Variants in CCDC3 observed in about 807,000 individuals in gnomAD.
CCDC3 encodes the protein coiled-coil domain-containing protein 3.
Under a neutral mutation model 21.4 loss-of-function variants are expected in CCDC3, and 24 were observed. The observed-to-expected ratio is 1.12, with a 90% CI of 0.81 to 1.58. The LOEUF (loss-of-function observed/expected upper bound fraction) is 1.58, where lower values mean the gene tolerates loss of function less well. Ranked by LOEUF, CCDC3 falls within the 40% of genes most tolerant of loss-of-function variation. The pLI, the probability that CCDC3 is intolerant of heterozygous loss-of-function variation, is 0.00. For missense variants in CCDC3, 425 were observed against 360.9 expected, an observed-to-expected ratio of 1.18 and a Z score of -1.44; for synonymous variants, 186 against 166.0, an observed-to-expected ratio of 1.12 and a Z score of -0.93.
intron 2 of CCDC3, among the ~76,000 whole-genome samples, chr10:12,921,755 G>GT (rs921288996): frequency 6.7e-6 from 1 of 150,272 alleles, no homozygotes; most frequent in Non-Finnish European, 1.5e-5. Context: ...TTTGTTTTTT[G>GT]TTTTTAAGAC....
At chr10:12,973,322 G>A (rs1215024137) in intron 2 of CCDC3, among the ~76,000 whole-genome samples, 1 of 152,196 alleles carries the variant, frequency 6.6e-6, no homozygotes, top group Non-Finnish European at 1.5e-5. Context: ...CGAGGACAGC[G>A]GCCCAGCCCA....
intron 5 of CCDC3, among the ~76,000 whole-genome samples, chr10:13,048,035 T>C (rs1186053841): frequency 2.6e-5 from 4 of 152,190 alleles, no homozygotes; most frequent in African/African-American, 2.4e-5. Flanking sequence ...TAGTCAATTA[T>C]GTATGCACCT....
intron 2 of CCDC3, among the ~76,000 whole-genome samples, chr10:12,898,937 A>G (rs896842997): frequency 2.0e-5 from 3 of 152,208 alleles, no homozygotes; most frequent in Admixed American, 6.5e-5. Flanking sequence ...TCGTTTTCAA[A>G]TGATATTCTG....
chr10:13,027,720 T>TAA (rs5783300), intron 5 of CCDC3, among the ~76,000 whole-genome samples: 308 of 144,010 alleles, frequency 2.1e-3, no homozygotes, highest in South Asian at 2.9e-3. Flanking sequence ...CAAAAAAAAT[T>TAA]AAAAAAAAAA....
intron 4 of CCDC3, among the ~76,000 whole-genome samples, chr10:13,050,398 C>T (rs922744771): frequency 2.5e-4 from 38 of 151,868 alleles, no homozygotes; most frequent in South Asian, 2.5e-3. Context: ...AGGCCATGGG[C>T]CAGGGCTGGG....
intron 2 of CCDC3, among the ~76,000 whole-genome samples, chr10:12,986,773 A>C (rs551421825): frequency 2.7e-4 from 15 of 55,620 alleles, no homozygotes; most frequent in African/African-American, 5.9e-4. Flanking sequence ...ACTCCGTCTC[A>C]AAAAAAAAAA....
At chr10:13,042,867 C>T (rs1836478231) in intron 5 of CCDC3, among the ~76,000 whole-genome samples, 1 of 143,072 alleles carries the variant, frequency 7.0e-6, no homozygotes, top group African/African-American at 2.6e-5. Context: ...CGAGATGGCG[C>T]CACTGCACTC....
At chr10:12,987,755 A>T (rs1166255490) in intron 2 of CCDC3, among the ~76,000 whole-genome samples, 1 of 152,226 alleles carries the variant, frequency 6.6e-6, no homozygotes, top group Non-Finnish European at 1.5e-5. Flanking sequence ...GAGGTGCTGG[A>T]GGAAGATGAC....
intron 2 of CCDC3, among the ~76,000 whole-genome samples, chr10:12,906,972 T>A (rs186322204): frequency 3.9e-5 from 6 of 152,296 alleles, no homozygotes; most frequent in African/African-American, 9.6e-5. Context: ...ACATTCTACT[T>A]CTTCTCCAAG....
At chr10:13,066,613 T>G (rs1178150985) in intron 4 of CCDC3, among the ~76,000 whole-genome samples, 1 of 152,196 alleles carries the variant, frequency 6.6e-6, no homozygotes, top group Non-Finnish European at 1.5e-5. Context: ...GACAGCCAAA[T>G]GCCTAGGCAG....
intron 2 of CCDC3, among the ~76,000 whole-genome samples, chr10:12,973,514 TAGG>T (rs1456519442): frequency 6.6e-6 from 1 of 152,212 alleles, no homozygotes; most frequent in Non-Finnish European, 1.5e-5. Flanking sequence ...CAGGAAAATG[TAGG>T]AGGAGCCAAC....
chr10:13,031,143 G>C (rs1305722949), intron 5 of CCDC3, among the ~76,000 whole-genome samples: 1 of 152,104 alleles, frequency 6.6e-6, no homozygotes. Flanking sequence ...ATAACAAACT[G>C]TCTCTCAGAC....
intron 4 of CCDC3, among the ~76,000 whole-genome samples, chr10:13,063,224 G>T (rs1836782101): frequency 3.2e-5 from 2 of 62,464 alleles, no homozygotes; most frequent in South Asian, 1.0e-3. Context: ...TTTCTCTATT[G>T]CAGTTCCCCT....
chr10:13,070,994 C>A (rs1241821479), intron 4 of CCDC3, among the ~76,000 whole-genome samples: 1 of 152,098 alleles, frequency 6.6e-6, no homozygotes, highest in Admixed American at 6.6e-5. Context: ...CAGAAAAAAA[C>A]AAAAGGGATG....
Position 13,024,171 on chromosome 10 carries a change from A to G in CCDC3, c.-2+25503T>C, listed in dbSNP as rs562254458. On this transcript the variant is annotated intron_variant, in intron 5 of 6. Coordinates refer to the CCDC3 transcript ENST00000378839. Reference sequence around the variant, plus strand: ...TTCTTTTCTGGCTTACTTCCTCCCCATAGAAGTTTGGCGGTCTTGAGGCAT... The same window carrying G: ...TTCTTTTCTGGCTTACTTCCTCCCCGTAGAAGTTTGGCGGTCTTGAGGCAT... Among the ~76,000 whole-genome samples the G allele has an allele frequency of 7.9e-4, 120 of 151,784 alleles. 1 individual carries two copies. Among genetic ancestry groups the G allele is most frequent in the African/African-American group, 2.6e-3 (107 of 41,378 alleles).
At chr10:13,005,290 C>T (rs1276553060), upstream of CCDC3, among the ~76,000 whole-genome samples, 1 of 152,136 alleles carries the variant, frequency 6.6e-6, no homozygotes, top group Non-Finnish European at 1.5e-5. Context: ...TTCAAGAGGC[C>T]ATAAACCATA....
chr10:12,976,094 T>C (rs1835413688), intron 2 of CCDC3, among the ~76,000 whole-genome samples: 1 of 152,180 alleles, frequency 6.6e-6, no homozygotes, highest in African/African-American at 2.4e-5. Context: ...TGCTCACTCA[T>C]CCCAGAGTGA....
intron 5 of CCDC3, among the ~76,000 whole-genome samples, chr10:13,007,890 G>A (rs183347424): frequency 4.3e-4 from 65 of 152,196 alleles, no homozygotes; most frequent in African/African-American, 1.5e-3. Flanking sequence ...AACAAGTTAG[G>A]TCTCCAAGCT....
upstream of CCDC3, among the ~76,000 whole-genome samples, chr10:13,006,312 G>A (rs911023596): frequency 2.0e-5 from 3 of 152,228 alleles, no homozygotes; most frequent in African/African-American, 7.2e-5. Flanking sequence ...TAGCTACGAA[G>A]CAAATGCTGG....
Sources: allele counts gnomAD v4.1 joint callset (sites outside exome capture counted in the v4.1 genomes callset), GRCh38; gene constraint gnomAD v4.1.1; transcripts MANE v1.5; gene names NCBI Gene and HGNC (gene_info 2026-07-23, HGNC 2026-07-21).